NEURL4: variants seen among roughly 807,000 people sequenced by gnomAD.
The protein encoded by NEURL4 is neuralized-like protein 4.
A neutral mutation model predicts 148.0 loss-of-function variants in NEURL4; 45 were observed. The ratio of observed to expected loss-of-function variants is 0.30; its 90% CI spans 0.24 to 0.39. The LOEUF (loss-of-function observed/expected upper bound fraction) is 0.39, where lower values mean the gene tolerates loss of function less well. NEURL4 is among the 10% of genes least tolerant of loss of function. NEURL4 has a pLI of 1.00. For synonymous variants in NEURL4, 854 were observed against 869.0 expected (o/e 0.98, Z 0.30); for missense variants, 1,776 against 2,144.0 (o/e 0.83, Z 3.39).
intron 1 of NEURL4, among the ~76,000 whole-genome samples, chr17:7,328,104 C>T (rs1009359716): frequency 1.3e-5 from 2 of 152,228 alleles, no homozygotes; most frequent in Admixed American, 1.3e-4. Context: ...CACTCCTTTC[C>T]AAGCCAAGCA....
intron 12 of NEURL4, 24 bp from the exon 13 acceptor site, chr17:7,323,747 G>A (rs1226621956): frequency 6.2e-7 from 1 of 1,614,036 alleles, no homozygotes; most frequent in Non-Finnish European, 8.5e-7. Flanking sequence ...GGCGATCAGA[G>A]AGGCTCTACT....
chr17:7,324,874 A>G lies in NEURL4; in HGVS notation c.1738T>C (p.Ser580Pro). ...TGGGTGGTGACACCAATTTCAATGG[A>G]GCCAGCCCATTTGTCCACCATCTTG... is the stretch of plus-strand genomic sequence containing the variant. ...IDKMVDKWAG[S>P]IEIGVTTHNP... Residue 580 changes from serine to proline, a missense_variant, in exon 9 of 29, where the codon TCC (serine) becomes CCC (proline). Coordinates refer to ENST00000399464, the MANE Select transcript of NEURL4 (RefSeq NM_032442.3). The surrounding 1 kb of genome is among the most constrained non-coding windows in gnomAD (Gnocchi z 5.9). 6.2e-7 allele frequency: 1 copy of G among 1,614,130 alleles called. No homozygotes were observed. The highest frequency in any genetic ancestry group is 8.5e-7 in the Non-Finnish European group (1 of 1,180,014).
At position 7,321,579 on chromosome 17, in the gene NEURL4, C is replaced by A. The variant is rs756380977; in HGVS notation, c.3080G>T (p.Arg1027Leu). Residue 1027 changes from arginine to leucine, a missense_variant, in exon 18 of 29, where the codon CGG becomes CTG. Physicochemically the swap from Arg to Leu is moderately radical, Grantham distance 102. Transcript: ENST00000399464. This position sits in a 1 kb window ranked among gnomAD's most constrained non-coding sequence, Gnocchi z 6.3. ...CTTCACCCCCAGCCTCTCTAGGTTC[C>A]GGCCATAGTTCATCCTCTGGAGCTG... ...DGQLQRMNYG[R>L]NLERLGVGSR... is the part of the protein sequence containing the mutation. The A allele has an allele frequency of 6.2e-7, 1 of 1,614,018 alleles. No individual in the cohort carries two copies. The highest frequency in any genetic ancestry group is 1.3e-5 in the African/African-American group (1 of 74,924).
Position 7,317,947 on chromosome 17 carries a change from G to A in NEURL4, c.4061-15C>T. On this transcript the variant is annotated splice_polypyrimidine_tract_variant and intron_variant, in intron 25 of 28. Transcript: ENST00000399464. ...GAAATAATCTTCTGCGGGACAGTGA[G>A]TAGCAGGCTTGGTGCTGTGGCTCCC... 6.2e-7 allele frequency: 1 copy of A among 1,614,184 alleles called. No individual in the cohort carries two copies. The highest frequency in any genetic ancestry group is 8.5e-7 in the Non-Finnish European group (1 of 1,180,000).
chr17:7,319,706 A>C (rs1212885111), intron 21 of NEURL4, among the ~76,000 whole-genome samples: 1 of 102,542 alleles, frequency 9.8e-6, no homozygotes, highest in South Asian at 4.0e-4. Flanking sequence ...GTCTCAAAAA[A>C]AACAAAAAAA....
Position 7,326,192 on chromosome 17 carries a change from C to A in NEURL4, c.1293+63G>T. ...TAGGAGACCCTGCTTGGTGCCCTGG[C>A]AGGGACACAGAGTACCTGTGGCTCT... is the stretch of plus-strand genomic sequence containing the variant. On this transcript the variant is annotated intron_variant, in intron 6 of 28. Transcript: ENST00000399464. The surrounding 1 kb of genome is among the most constrained non-coding windows in gnomAD (Gnocchi z 6.0). The A allele has an allele frequency of 6.6e-7, 1 of 1,512,184 alleles. No individual in the cohort carries two copies. Among genetic ancestry groups the A allele is most frequent in the Non-Finnish European group, 9.1e-7 (1 of 1,098,060 alleles). 93.7% of individuals were successfully genotyped at this position (1,512,184 alleles called of 1,614,324 possible).
Position 7,318,799 on chromosome 17 carries a change from C to A in NEURL4, c.3685-125G>T. ...TCCATGCTTGCCCACTGCCGAGGTT[C>A]TCCTCCCACTGCAGTTACCTAGAGC... On this transcript the variant is annotated intron_variant, in intron 22 of 28. Coordinates refer to ENST00000399464, the MANE Select transcript of NEURL4 (RefSeq NM_032442.3). This position sits in a 1 kb window ranked among gnomAD's most constrained non-coding sequence, Gnocchi z 4.3. 1 of 1,109,666 alleles carries A rather than the reference C, an allele frequency of 9.0e-7. No homozygotes were observed. Among genetic ancestry groups the A allele is most frequent in the Non-Finnish European group, 1.3e-6 (1 of 788,318 alleles). 68.7% of individuals were successfully genotyped at this position (1,109,666 alleles called of 1,614,324 possible).
chr17:7,318,362 G>T lies in NEURL4; in HGVS notation c.3865-6C>A. On this transcript the variant is annotated splice_region_variant and splice_polypyrimidine_tract_variant and intron_variant, in intron 23 of 28. Transcript: ENST00000399464. This position sits in a 1 kb window ranked among gnomAD's most constrained non-coding sequence, Gnocchi z 4.3. ...TCAGGGTTCACGATTGTCACCTGCA[G>T]GGGAGAGGGTAGTCAGACAGAGCTT... 1 of 1,613,976 alleles carries T rather than the reference G, an allele frequency of 6.2e-7. No individual in the cohort carries two copies. The highest frequency in any genetic ancestry group is 8.5e-7 in the Non-Finnish European group (1 of 1,179,912).
chr17:7,326,954 G>A lies in NEURL4; in HGVS notation c.849C>T (p.Tyr283=). The A allele has an allele frequency of 6.2e-7, 1 of 1,613,598 alleles. No individual in the cohort carries two copies. The highest frequency in any genetic ancestry group is 1.1e-5 in the South Asian group (1 of 91,078). The change falls in exon 4 of 29, where the codon TAC becomes TAT. Residue 283 remains tyrosine, a synonymous_variant. Transcript: ENST00000399464. This position sits in a 1 kb window ranked among gnomAD's most constrained non-coding sequence, Gnocchi z 6.0. ...EVVSNTILSA[Y]NGGLLNVNLS... ...GGTTCACATTCAGGAGCCCTCCATT[G>A]TAGGCAGACAGGATGGTGTTGCTCA...
Position 7,325,227 on chromosome 17 carries a change from C to T in NEURL4, c.1613G>A (p.Arg538His), listed in dbSNP as rs369946100. 1.5e-5 allele frequency: 23 copies of T among 1,499,370 alleles called. No homozygotes were observed. The highest frequency in any genetic ancestry group is 1.5e-5 in the Non-Finnish European group (17 of 1,116,020). The allele number at this position is 1,499,370 out of a possible 1,614,324, so 92.9% of individuals were successfully genotyped here. ...GQKAAITHEGRTALRPHATDD... is the reference protein window; with the variant it reads ...GQKAAITHEGHTALRPHATDD... The stretch of plus-strand genomic sequence containing the variant: ...GCCATACTGGGGCCTCAGGGCAGTG[C>T]GTCCCTCGTGGGTGATGGCTGCCTT... Residue 538 changes from arginine (R) to histidine (H), a missense_variant, in exon 8 of 29, where the codon CGC (arginine) becomes CAC (histidine). By Grantham distance (29) the Arg-to-His change is conservative (BLOSUM62 0). Coordinates refer to ENST00000399464, the MANE Select transcript of NEURL4 (RefSeq NM_032442.3).
Position 7,322,753 on chromosome 17 carries a change from A to G in NEURL4, c.2707T>C (p.Phe903Leu). 1 of 1,612,754 alleles carries G rather than the reference A, an allele frequency of 6.2e-7. No homozygotes were observed. Among genetic ancestry groups the G allele is most frequent in the Non-Finnish European group, 8.5e-7 (1 of 1,179,976 alleles). Residue 903 changes from phenylalanine to leucine, a missense_variant, in exon 16 of 29, where the codon TTC becomes CTC. Coordinates refer to ENST00000399464, the MANE Select transcript of NEURL4 (RefSeq NM_032442.3). The surrounding 1 kb of genome is among the most constrained non-coding windows in gnomAD (Gnocchi z 5.5). ...ATSNTATEKS[F>L]PLHSPVAGVA... ...GCCGCACCTGGGGAGTGCAGTGGGA[A>G]GGACTTCTCGGTGGCAGTGTTGCTG...
In NEURL4 at chr17:7,322,757, C is replaced by A; in HGVS notation, c.2703G>T (p.Lys901Asn). The A allele has an allele frequency of 1.2e-6, 2 of 1,613,028 alleles. No individual in the cohort carries two copies. The highest frequency in any genetic ancestry group is 1.7e-6 in the Non-Finnish European group (2 of 1,180,000). ...CACCTGGGGAGTGCAGTGGGAAGGA[C>A]TTCTCGGTGGCAGTGTTGCTGGTCG... ...SLATSNTATEKSFPLHSPVAG... is the reference protein window; with the variant it reads ...SLATSNTATENSFPLHSPVAG... The change falls in exon 16 of 29, where the codon AAG (lysine) becomes AAT (asparagine). Residue 901 changes from lysine (K) to asparagine (N), a missense_variant. Coordinates refer to ENST00000399464, the MANE Select transcript of NEURL4 (RefSeq NM_032442.3). This position sits in a 1 kb window ranked among gnomAD's most constrained non-coding sequence, Gnocchi z 5.5.
Position 7,329,292 on chromosome 17 carries a change from C to G in NEURL4, c.21G>C (p.Gly7=). 1.4e-6 allele frequency: 2 copies of G among 1,413,458 alleles called. No individual in the cohort carries two copies. The highest frequency in any genetic ancestry group is 1.8e-6 in the Non-Finnish European group (2 of 1,089,762). 87.6% of individuals were successfully genotyped at this position (1,413,458 alleles called of 1,614,324 possible). Residue 7 remains glycine, a synonymous_variant, in exon 1 of 29, where the codon GGG becomes GGC. Transcript: ENST00000399464. The part of the protein sequence containing the change: MAAGSG[G]SGGSGGGPGP... ...CAGGGCCTCCCCCAGAGCCCCCACTCCCACCCGACCCTGCCGCCATCTCCG... is the reference window on the plus strand; with the variant it reads ...CAGGGCCTCCCCCAGAGCCCCCACTGCCACCCGACCCTGCCGCCATCTCCG...
At position 7,324,738 on chromosome 17, in the gene NEURL4, G is replaced by T; in HGVS notation, c.1813+61C>A. The T allele has an allele frequency of 6.4e-7, 1 of 1,562,428 alleles. No individual in the cohort carries two copies. Among genetic ancestry groups the T allele is most frequent in the Non-Finnish European group, 8.8e-7 (1 of 1,136,936 alleles). On this transcript the variant is annotated intron_variant, in intron 9 of 28. Coordinates refer to ENST00000399464, the MANE Select transcript of NEURL4 (RefSeq NM_032442.3). This position sits in a 1 kb window ranked among gnomAD's most constrained non-coding sequence, Gnocchi z 5.9. ...AAAGGAGCTGCAGAACAAGTGCCAG[G>T]GCTTTGGGGATAGCTTCCCCCCAAA...
At position 7,326,143 on chromosome 17, in the gene NEURL4, T is replaced by C. The variant is rs951697663; in HGVS notation, c.1293+112A>G. On this transcript the variant is annotated intron_variant, in intron 6 of 28. Transcript: ENST00000399464. This position sits in a 1 kb window ranked among gnomAD's most constrained non-coding sequence, Gnocchi z 6.0. ...TAGGAAGGAACCTTTAGGTGGAAGA[T>C]ACAGGGACTGCCTCTAGGTCACATA... 6 of 991,474 alleles carry C rather than the reference T, an allele frequency of 6.1e-6. No individual in the cohort carries two copies. The highest frequency in any genetic ancestry group is 2.6e-5 in the East Asian group (1 of 38,288). The allele number at this position is 991,474 out of a possible 1,614,324, so 61.4% of individuals were successfully genotyped here.
intron 21 of NEURL4, 54 bp from the exon 22 acceptor site, chr17:7,319,262 C>CCG: frequency 6.6e-7 from 1 of 1,512,370 alleles, no homozygotes; most frequent in Non-Finnish European, 9.0e-7. Context: ...GAACCAGGCT[C>CCG]CGCACCCCAG....
Position 7,326,859 on chromosome 17 carries a change from T to G in NEURL4, c.944A>C (p.Asn315Thr). ...GAATSPILTS[N>T]DALLFHEKCG... ...CTTTTCATGAAAGAGCAGGGCATCG[T>G]TGGAAGTGAGAATGGGCGAGGTGGC... The change falls in exon 4 of 29, where the codon AAC becomes ACC. Residue 315 changes from asparagine to threonine, a missense_variant. By Grantham distance (65) the Asn-to-Thr change is moderately conservative (BLOSUM62 0). Coordinates refer to ENST00000399464, the MANE Select transcript of NEURL4 (RefSeq NM_032442.3). This position sits in a 1 kb window ranked among gnomAD's most constrained non-coding sequence, Gnocchi z 6.0. The G allele has an allele frequency of 1.9e-6, 3 of 1,613,914 alleles. No homozygotes were observed. The highest frequency in any genetic ancestry group is 2.5e-6 in the Non-Finnish European group (3 of 1,179,964).
In NEURL4 at chr17:7,327,857, T is replaced by A; in HGVS notation, c.310A>T (p.Ile104Phe). Residue 104 changes from isoleucine (I) to phenylalanine (F), a missense_variant, in exon 2 of 29, where the codon ATT becomes TTT. By Grantham distance (21) the Ile-to-Phe change is conservative (BLOSUM62 0). Coordinates refer to ENST00000399464, the MANE Select transcript of NEURL4 (RefSeq NM_032442.3). This position sits in a 1 kb window ranked among gnomAD's most constrained non-coding sequence, Gnocchi z 6.6. Reference sequence around the variant, plus strand: ...CTGGGGTCCAGCGCTGTCACCCCAATCTCAATGGAGCCGCTCCAGGAGTTG... The same window carrying A: ...CTGGGGTCCAGCGCTGTCACCCCAAACTCAATGGAGCCGCTCCAGGAGTTG... ...KVNSWSGSIEIGVTALDPSVL... is the reference protein window; with the variant it reads ...KVNSWSGSIEFGVTALDPSVL... The A allele has an allele frequency of 6.2e-7, 1 of 1,612,554 alleles. No homozygotes were observed. Among genetic ancestry groups the A allele is most frequent in the Non-Finnish European group, 8.5e-7 (1 of 1,179,578 alleles).
In NEURL4 at chr17:7,326,963, C is replaced by T. The variant is rs755062352; in HGVS notation, c.840G>A (p.Leu280=). 1 of 1,613,328 alleles carries T rather than the reference C, an allele frequency of 6.2e-7. No individual in the cohort carries two copies. Among genetic ancestry groups the T allele is most frequent in the Admixed American group, 1.7e-5 (1 of 60,006 alleles). ...TCAGGAGCCCTCCATTGTAGGCAGA[C>T]AGGATGGTGTTGCTCACCACCTCAG... The part of the protein sequence containing the change: ...ELSEVVSNTI[L]SAYNGGLLNV... The change falls in exon 4 of 29, where the codon CTG becomes CTA. Residue 280 remains leucine (L), a synonymous_variant. Coordinates refer to ENST00000399464, the MANE Select transcript of NEURL4 (RefSeq NM_032442.3). This position sits in a 1 kb window ranked among gnomAD's most constrained non-coding sequence, Gnocchi z 6.0.
Sources: gnomAD v4.1 joint callset for allele counts (sites outside exome capture counted in the v4.1 genomes callset) on GRCh38, gnomAD v4.1.1 for gene constraint, Gnocchi (gnomAD v3.1) non-coding constraint, MANE v1.5 for transcripts, NCBI Gene and HGNC (gene_info 2026-07-23, HGNC 2026-07-21) for gene names.